The following SERPINI1 variants were observed in gnomAD, a reference collection of about 807,000 sequenced individuals.
SERPINI1 encodes the protein serpin family I member 1, also known as neuroserpin.
Under a neutral mutation model 41.1 loss-of-function variants are expected in SERPINI1, and 19 were observed. The ratio of observed to expected loss-of-function variants is 0.46; its 90% CI spans 0.32 to 0.68. SERPINI1 has a LOEUF of 0.68. SERPINI1 is among the 30% of genes least tolerant of loss of function. The probability of loss-of-function intolerance (pLI) is 0.03; values close to 1 mark genes in which losing one functional copy is unlikely to be tolerated. For synonymous variants in SERPINI1, 138 were observed against 156.6 expected, an observed-to-expected ratio of 0.88 and a Z score of 0.89; for missense variants, 460 against 479.2, an observed-to-expected ratio of 0.96 and a Z score of 0.37.
intron 4 of SERPINI1, among the ~76,000 whole-genome samples, chr3:167,793,152 TACAA>T (rs1727585741): frequency 6.6e-6 from 1 of 152,190 alleles, no homozygotes; most frequent in African/African-American, 2.4e-5. Context: ...CTTTTTAAAT[TACAA>T]ACATTCTTCT....
At chr3:167,809,270 T>G (rs1711778690) in intron 6 of SERPINI1, among the ~76,000 whole-genome samples, 1 of 152,216 alleles carries the variant, frequency 6.6e-6, no homozygotes, top group Non-Finnish European at 1.5e-5. Context: ...CTTTAGGAAT[T>G]GAGAGAAATC....
In SERPINI1 at chr3:167,810,298, A is replaced by T. The variant is rs999115579; in HGVS notation, c.979+2957A>T. Among the ~76,000 whole-genome samples the T allele has an allele frequency of 5.9e-5, 9 of 152,196 alleles. No individual in the cohort carries two copies. In the South Asian group the frequency reaches 1.7e-3, roughly 28 times the overall value. ...CATAACCCCCATAAATACCCAGGAA[A>T]ATTATTTGCATGCATTTTGTTTCTA... On this transcript the variant is annotated intron_variant, in intron 6 of 8. Coordinates refer to ENST00000446050, the MANE Select transcript of SERPINI1 (RefSeq NM_001122752.2).
intron 2 of SERPINI1, among the ~76,000 whole-genome samples, 192 bp downstream of exon 2, chr3:167,789,570 T>G (rs1391001437): frequency 6.6e-6 from 1 of 152,212 alleles, no homozygotes; most frequent in East Asian, 1.9e-4. Context: ...TGAATGAATC[T>G]AAGGAAATTA....
At chr3:167,821,847 A>G (rs1348070722) in intron 6 of SERPINI1, among the ~76,000 whole-genome samples, 2 of 152,232 alleles carry the variant, frequency 1.3e-5, no homozygotes, top group African/African-American at 4.8e-5. Flanking sequence ...TTGGCTCATC[A>G]TTATGGAGGC....
chr3:167,744,672 A>G (rs1725794160), intron 1 of SERPINI1, among the ~76,000 whole-genome samples: 2 of 108,074 alleles, frequency 1.9e-5, no homozygotes, highest in Admixed American at 9.5e-5. Context: ...AAAAATATAT[A>G]TATAAATATA....
intron 1 of SERPINI1, among the ~76,000 whole-genome samples, chr3:167,773,358 G>A (rs891377394): frequency 2.6e-5 from 4 of 152,078 alleles, no homozygotes; most frequent in Non-Finnish European, 5.9e-5. Context: ...CGAGATCTCC[G>A]AAAATAAGAG....
In SERPINI1 at chr3:167,808,134, TAATA is replaced by T. The variant is rs60263204; in HGVS notation, c.979+818_979+821del. The stretch of plus-strand genomic sequence containing the variant: ...ACTCTGTCTCAAAAAATAGTAATGA[TAATA>T]AATAAATAAATAAATAAATAAATAG... On this transcript the variant is annotated intron_variant, in intron 6 of 8. Transcript: ENST00000446050. Among the ~76,000 whole-genome samples, 1,172 of 146,902 alleles carry T rather than the reference TAATA, an allele frequency of 8.0e-3. 6 individuals carry two copies. Among genetic ancestry groups the T allele is most frequent in the African/African-American group, 0.028 (1,094 of 39,132 alleles).
intron 1 of SERPINI1, among the ~76,000 whole-genome samples, chr3:167,742,717 A>G (rs184530087): frequency 3.9e-5 from 6 of 151,988 alleles, no homozygotes; most frequent in Non-Finnish European, 7.4e-5. Flanking sequence ...TTTGAGAATG[A>G]CTTTTGGATA....
Position 167,789,201 on chromosome 3 carries a change from G to C in SERPINI1, c.73G>C (p.Ala25Pro), listed in dbSNP as rs752703576. 2 of 1,614,034 alleles carry C rather than the reference G, an allele frequency of 1.2e-6. No individual in the cohort carries two copies. The highest frequency in any genetic ancestry group is 8.5e-7 in the Non-Finnish European group (1 of 1,180,008). Residue 25 changes from alanine to proline, a missense_variant, in exon 2 of 9, where the codon GCC becomes CCC. Coordinates refer to ENST00000446050, the MANE Select transcript of SERPINI1 (RefSeq NM_001122752.2). ...TACAGGGGCCACTTTCCCTGAGGAA[G>C]CCATTGCTGACTTGTCAGTGAATAT... The part of the protein sequence containing the change: ...MATGATFPEE[A>P]IADLSVNMYN...
intron 4 of SERPINI1, among the ~76,000 whole-genome samples, chr3:167,793,385 A>G (rs954604861): frequency 2.0e-5 from 3 of 151,940 alleles, no homozygotes; most frequent in African/African-American, 7.3e-5. Flanking sequence ...GTTAAGTCAT[A>G]ATCAGAAAGG....
chr3:167,749,377 T>C (rs957233349), intron 1 of SERPINI1, among the ~76,000 whole-genome samples: 2 of 152,212 alleles, frequency 1.3e-5, no homozygotes, highest in Admixed American at 6.5e-5. Flanking sequence ...AACATAATGT[T>C]CAGCTAGCTG....
chr3:167,791,812 A>G (rs1401431964), intron 3 of SERPINI1, among the ~76,000 whole-genome samples: 2 of 152,236 alleles, frequency 1.3e-5, no homozygotes, highest in South Asian at 2.1e-4. Context: ...TGATAATTTA[A>G]TCACGTACAT....
At chr3:167,748,752 CTGTGTGTG>C (rs34438429) in intron 1 of SERPINI1, among the ~76,000 whole-genome samples, 28,744 of 143,520 alleles carry the variant, frequency 0.2, 2,853 homozygotes, top group South Asian at 0.22. Context: ...GTGTGTTACT[CTGTGTGTG>C]TGTGTGTGTG....
At chr3:167,786,689 A>G (rs1271925772) in intron 1 of SERPINI1, among the ~76,000 whole-genome samples, 1 of 151,850 alleles carries the variant, frequency 6.6e-6, no homozygotes, top group Admixed American at 6.6e-5. Context: ...AACACTGTAT[A>G]CTTTGGCTAT....
At chr3:167,789,789 GT>G (rs1577418839) in intron 2 of SERPINI1, among the ~76,000 whole-genome samples, 1 of 152,210 alleles carries the variant, frequency 6.6e-6, no homozygotes, top group East Asian at 1.9e-4. Context: ...GTATCCTCTT[GT>G]TTAAATAGCA....
At chr3:167,802,165 TAAAA>T (rs1373067851) in intron 5 of SERPINI1, among the ~76,000 whole-genome samples, 2 of 151,990 alleles carry the variant, frequency 1.3e-5, no homozygotes, top group Non-Finnish European at 2.9e-5. Flanking sequence ...CCTAAAACCA[TAAAA>T]ACCCTAGAAG....
chr3:167,774,054 AG>A (rs1198474987), intron 1 of SERPINI1, among the ~76,000 whole-genome samples: 7 of 152,200 alleles, frequency 4.6e-5, no homozygotes, highest in East Asian at 1.9e-4. Context: ...TCTAAAAAAA[AG>A]AATTCTTAGA....
chr3:167,786,057 C>T (rs1025643175), intron 1 of SERPINI1, among the ~76,000 whole-genome samples: 2 of 152,158 alleles, frequency 1.3e-5, no homozygotes, highest in Admixed American at 6.5e-5. Context: ...CGTAGCTCCT[C>T]GGCTACAAAC....
At chr3:167,744,857 A>T (rs967922499) in intron 1 of SERPINI1, among the ~76,000 whole-genome samples, 11 of 112,938 alleles carry the variant, frequency 9.7e-5, no homozygotes, top group Admixed American at 5.6e-4. Flanking sequence ...CTATAGTTAT[A>T]TATATATATA....
Sources: gnomAD v4.1 joint callset for allele counts (sites outside exome capture counted in the v4.1 genomes callset) on GRCh38, gnomAD v4.1.1 for gene constraint, MANE v1.5 for transcripts, NCBI Gene and HGNC (gene_info 2026-07-23, HGNC 2026-07-21) for gene names.